The following IL1RAPL2 variants were observed in gnomAD, a reference collection of about 807,000 sequenced individuals.
IL1RAPL2 encodes the protein X-linked interleukin-1 receptor accessory protein-like 2.
In IL1RAPL2, 3 loss-of-function variants were observed where a neutral mutation model predicts 44.1. The ratio of observed to expected loss-of-function variants is 0.07; its 90% CI spans 0.03 to 0.18. The LOEUF is 0.18. IL1RAPL2 is among the 10% of genes least tolerant of loss of function. The pLI is 1.00. For missense variants in IL1RAPL2, 391 were observed against 496.4 expected, an observed-to-expected ratio of 0.79 and a Z score of 2.02; for synonymous variants, 181 against 178.8, an observed-to-expected ratio of 1.01 and a Z score of -0.10.
intron 2 of IL1RAPL2, among the ~76,000 whole-genome samples, chrX:104,808,595 C>T (rs1375257141): frequency 9.0e-6 from 1 of 111,432 alleles, no homozygotes; most frequent in Non-Finnish European, 1.9e-5. Flanking sequence ...CAAGCCAAGT[C>T]AGCCATTCAA....
chrX:105,316,177 G>A (rs1408947055), intron 5 of IL1RAPL2, among the ~76,000 whole-genome samples: 2 of 111,259 alleles, frequency 1.8e-5, no homozygotes, highest in African/African-American at 6.5e-5. Context: ...AGGAGACTGA[G>A]GCAAGAGAAT....
At chrX:104,624,443 A>G (rs1929459769) in intron 1 of IL1RAPL2, among the ~76,000 whole-genome samples, 2 of 111,965 alleles carry the variant, frequency 1.8e-5, no homozygotes, top group Admixed American at 9.5e-5. Context: ...ACAAGTAGTC[A>G]ATAAATATAT....
Position 105,667,819 on chromosome X carries a change from T to C in IL1RAPL2, c.773-49548T>C, listed in dbSNP as rs1208864981. Among the ~76,000 whole-genome samples the C allele has an allele frequency of 2.7e-5, 3 of 111,454 alleles. No homozygotes were observed. In the East Asian group the frequency reaches 8.5e-4, roughly 31 times the overall value. ...CTGTGTAAGGCTACGGGGAGCCAAA[T>C]ACCGTCTCTGGCTCTGACTATTAAA... On this transcript the variant is annotated intron_variant, in intron 6 of 10. Coordinates refer to ENST00000372582, the MANE Select transcript of IL1RAPL2 (RefSeq NM_017416.2).
intron 2 of IL1RAPL2, among the ~76,000 whole-genome samples, chrX:104,985,193 T>C (rs924336693): frequency 5.4e-5 from 6 of 110,443 alleles, no homozygotes; most frequent in African/African-American, 2.0e-4. Flanking sequence ...GTTCAAGCGA[T>C]TCTTGTGCCT....
chrX:105,689,869 C>G (rs2038020439), intron 6 of IL1RAPL2, among the ~76,000 whole-genome samples: 1 of 111,880 alleles, frequency 8.9e-6, no homozygotes, highest in Non-Finnish European at 1.9e-5. Flanking sequence ...ACATATACAC[C>G]ATGGAATATT....
At chrX:105,220,682 G>A (rs975146665) in intron 3 of IL1RAPL2, 6 of 263,601 alleles carry the variant, frequency 2.3e-5, no homozygotes, top group African/African-American at 1.4e-4. Flanking sequence ...CCCTCCTAAG[G>A]TTCCAGGGAA....
At chrX:105,019,999 TTTG>T (rs1360585553) in intron 2 of IL1RAPL2, among the ~76,000 whole-genome samples, 3 of 110,459 alleles carry the variant, frequency 2.7e-5, no homozygotes, top group Non-Finnish European at 3.8e-5. Flanking sequence ...TGATTGTGTT[TTTG>T]TTGTTGTTGT....
At chrX:104,605,898 A>G (rs771543246) in intron 1 of IL1RAPL2, among the ~76,000 whole-genome samples, 7 of 111,840 alleles carry the variant, frequency 6.3e-5, no homozygotes, top group Non-Finnish European at 1.3e-4. Context: ...GTACAAAAGG[A>G]AGCTGATACC....
At chrX:104,593,686 C>A (rs1310872221) in intron 1 of IL1RAPL2, among the ~76,000 whole-genome samples, 1 of 112,051 alleles carries the variant, frequency 8.9e-6, no homozygotes, top group Non-Finnish European at 1.9e-5. Flanking sequence ...TCCTACCACA[C>A]CCATTTTTGT....
chrX:104,690,750 ATTCCTAGGGCTCCTT>A (rs1404183407), intron 2 of IL1RAPL2, among the ~76,000 whole-genome samples: 1 of 112,077 alleles, frequency 8.9e-6, no homozygotes, highest in African/African-American at 3.2e-5. Context: ...GTGTTTATCA[ATTCCTAGGGCTCCTT>A]TTGTTTTCAT....
intron 1 of IL1RAPL2, among the ~76,000 whole-genome samples, chrX:104,601,058 C>A (rs1396149440): frequency 9.0e-6 from 1 of 111,033 alleles, no homozygotes; most frequent in Non-Finnish European, 1.9e-5. Context: ...GTAAATAACC[C>A]ATTATTTATT....
rs2036251991 is a variant in IL1RAPL2 at position 105,484,369 on chromosome X, G to A, written c.754G>A (p.Val252Ile). 8.3e-7 allele frequency: 1 copy of A among 1,199,809 alleles called. No individual in the cohort carries two copies. The highest frequency in any genetic ancestry group is 1.1e-6 in the Non-Finnish European group (1 of 884,898). Residue 252 changes from valine to isoleucine, a missense_variant, in exon 6 of 11, where the codon GTT (valine) becomes ATT (isoleucine). By Grantham distance (29) the Val-to-Ile change is conservative (BLOSUM62 3). This residue lies in a region of IL1RAPL2 where 159 missense variants were observed against 251.7 expected (regional missense o/e 0.63). Coordinates refer to ENST00000372582, the MANE Select transcript of IL1RAPL2 (RefSeq NM_017416.2). The part of the protein sequence containing the change: ...PLFPMENQPS[V>I]IDVQLGKPLN... ...GTTCCCCATGGAGAATCAGCCAAGT[G>A]TTATAGATGTCCAGCTGGGTAAGTC...
Position 105,464,551 on chromosome X carries a change from G to A in IL1RAPL2, c.698-19762G>A, listed in dbSNP as rs934387268. On this transcript the variant is annotated intron_variant, in intron 5 of 10. Transcript: ENST00000372582. ...TACAAAAACACTTCTAATATTAAAC[G>A]TTGAAATAAATGCGAGCTATACATA... is the stretch of plus-strand genomic sequence containing the variant. Among the ~76,000 whole-genome samples the A allele has an allele frequency of 4.5e-5, 5 of 111,227 alleles. No individual in the cohort carries two copies. In the East Asian group the frequency reaches 8.5e-4, roughly 19 times the overall value.
intron 2 of IL1RAPL2, among the ~76,000 whole-genome samples, chrX:104,911,137 G>A (rs776963923): frequency 6.3e-5 from 7 of 111,471 alleles, no homozygotes; most frequent in African/African-American, 2.3e-4. Context: ...TATTGAATTG[G>A]TAATAAAAAT....
rs999545105 is a variant in IL1RAPL2 at position 105,239,914 on chromosome X, G to A, written c.543+5910G>A. On this transcript the variant is annotated intron_variant, in intron 4 of 10. Transcript: ENST00000372582. ...GTTATAACATCACCCTTCTCGCAAG[G>A]AAAAGCTTTGATACAACCAGAAAAC... Among the ~76,000 whole-genome samples, 4 of 111,789 alleles carry A rather than the reference G, an allele frequency of 3.6e-5. 1 individual carries two copies. The highest frequency in any genetic ancestry group is 7.5e-5 in the Non-Finnish European group (4 of 53,254).
chrX:105,176,462 A>G lies in IL1RAPL2; in HGVS notation c.83-19013A>G, dbSNP rs772621578. ...TAATGCCATACTTCTCATTCACCCC[A>G]ATGCATGCCCCCAGTCCTGGCCCCG... On this transcript the variant is annotated intron_variant, in intron 2 of 10. Coordinates refer to ENST00000372582, the MANE Select transcript of IL1RAPL2 (RefSeq NM_017416.2). 9.1e-5 allele frequency among the ~76,000 whole-genome samples: 10 copies of G among 110,233 alleles called. No homozygotes were observed. In the East Asian group the frequency reaches 1.2e-3, roughly 13 times the overall value.
chrX:104,771,791 G>A (rs1202502417), intron 2 of IL1RAPL2, among the ~76,000 whole-genome samples: 1 of 111,841 alleles, frequency 8.9e-6, no homozygotes, highest in Non-Finnish European at 1.9e-5. Flanking sequence ...GAAGGGTGGT[G>A]AGGGAAAGTC....
chrX:104,667,909 G>C (rs970198019), intron 2 of IL1RAPL2, among the ~76,000 whole-genome samples: 2 of 111,539 alleles, frequency 1.8e-5, no homozygotes, highest in African/African-American at 6.5e-5. Flanking sequence ...ATTATTTTCA[G>C]CTGGGTGTGA....
intron 5 of IL1RAPL2, among the ~76,000 whole-genome samples, chrX:105,280,640 A>G (rs2034524172): frequency 8.9e-6 from 1 of 112,353 alleles, no homozygotes; most frequent in South Asian, 3.7e-4. Context: ...TTCTCAAAAG[A>G]AGACACTTAT....
Sources: allele counts gnomAD v4.1 joint callset (sites outside exome capture counted in the v4.1 genomes callset), GRCh38; gene constraint gnomAD v4.1.1; regional missense constraint gnomAD v4.1.1; transcripts MANE v1.5; gene names NCBI Gene and HGNC (gene_info 2026-07-23, HGNC 2026-07-21).